VDAC1: variants seen among roughly 807,000 people sequenced by gnomAD.
The protein encoded by VDAC1 is voltage dependent anion channel 1.
A neutral mutation model predicts 34.7 loss-of-function variants in VDAC1; 10 were observed. The ratio of observed to expected loss-of-function variants is 0.29; its 90% confidence interval spans 0.18 to 0.49. The LOEUF is 0.49. Ranked by LOEUF, VDAC1 falls within the 20% of genes least tolerant of loss-of-function variation. The probability of loss-of-function intolerance (pLI) is 0.99; values close to 1 mark genes in which losing one functional copy is unlikely to be tolerated. For missense variants in VDAC1, 230 were observed against 347.9 expected (o/e 0.66, Z 2.69); for synonymous variants, 130 against 136.0 (o/e 0.96, Z 0.30).
intron 5 of VDAC1, among the ~76,000 whole-genome samples, chr5:133,985,995 G>C (rs530907254): frequency 6.6e-6 from 1 of 152,336 alleles, no homozygotes; most frequent in East Asian, 1.9e-4. Flanking sequence ...AAGAGAAAGG[G>C]CAGTGCTGGG....
At chr5:134,087,701 C>A in the VDAC1 span, among the ~76,000 whole-genome samples, 1 of 151,034 alleles carries the variant, frequency 6.6e-6, no homozygotes. Flanking sequence ...ACTAAAAATA[C>A]AAAAATAAGC....
At chr5:134,001,875 C>T (rs1482593630) in intron 1 of VDAC1, among the ~76,000 whole-genome samples, 1 of 152,052 alleles carries the variant, frequency 6.6e-6, no homozygotes, top group African/African-American at 2.4e-5. Flanking sequence ...CTTAAAGTCC[C>T]ACTCATCCCA....
chr5:133,981,147 T>C, intron 5 of VDAC1, 191 bp from the exon 6 acceptor site: 1 of 588,732 alleles, frequency 1.7e-6, no homozygotes. Flanking sequence ...AGGGACTCAG[T>C]CTGCAGAAAC....
At chr5:134,083,347 C>T in the VDAC1 span, among the ~76,000 whole-genome samples, 1 of 151,966 alleles carries the variant, frequency 6.6e-6, no homozygotes, top group African/African-American at 2.4e-5. Flanking sequence ...TGCCACCATG[C>T]CCGGCTAATT....
the VDAC1 span, among the ~76,000 whole-genome samples, chr5:134,027,767 CTT>C: frequency 4.1e-5 from 5 of 120,640 alleles, no homozygotes; most frequent in Non-Finnish European, 8.4e-5. Flanking sequence ...ATCTTGCCTA[CTT>C]TTTTTTTTTT....
At chr5:133,998,522 G>A (rs535910753) in intron 1 of VDAC1, among the ~76,000 whole-genome samples, 8 of 152,246 alleles carry the variant, frequency 5.3e-5, no homozygotes, top group Non-Finnish European at 7.4e-5. Context: ...GTGACAGAGC[G>A]AGAGACTCCC....
the VDAC1 span, among the ~76,000 whole-genome samples, chr5:134,083,210 A>ATT: frequency 1.3e-5 from 1 of 76,966 alleles, no homozygotes; most frequent in African/African-American, 5.4e-5. Context: ...TTTTTTTGGG[A>ATT]TGGGGTCTTG....
chr5:134,029,601 A>G, the VDAC1 span, among the ~76,000 whole-genome samples: 1 of 152,240 alleles, frequency 6.6e-6, no homozygotes, highest in Non-Finnish European at 1.5e-5. Context: ...AATGTGGCTG[A>G]TATGACTGAG....
the VDAC1 span, among the ~76,000 whole-genome samples, chr5:134,051,184 AG>A: frequency 6.6e-6 from 1 of 152,212 alleles, no homozygotes; most frequent in Non-Finnish European, 1.5e-5. Context: ...GAGATGGAGA[AG>A]GAGCACTGCC....
the VDAC1 span, among the ~76,000 whole-genome samples, chr5:134,085,310 C>A: frequency 6.6e-6 from 1 of 151,904 alleles, no homozygotes; most frequent in East Asian, 1.9e-4. Flanking sequence ...CCTCATGATC[C>A]GCCTGCCTCG....
At chr5:134,021,198 A>G in the VDAC1 span, among the ~76,000 whole-genome samples, 1 of 142,240 alleles carries the variant, frequency 7.0e-6, no homozygotes, top group Non-Finnish European at 1.5e-5. Context: ...TTTTTTTTTT[A>G]TTATTATACT....
the VDAC1 span, among the ~76,000 whole-genome samples, chr5:134,046,922 T>C: frequency 6.6e-6 from 1 of 152,176 alleles, no homozygotes; most frequent in Non-Finnish European, 1.5e-5. Context: ...GTGGCCTGTT[T>C]TGAGGATACA....
rs1418812406 is a variant in VDAC1, at chr5:133,980,601, C to T, written c.551+128G>A. 6.2e-6 allele frequency: 5 copies of T among 803,868 alleles called. 1 individual carries two copies. The Admixed American group carries it at 8.8e-5, about 14-fold the overall frequency. 49.8% of individuals were successfully genotyped at this position (803,868 alleles called of 1,614,324 possible). ...ATGTGGCTCATCTAATGCCAACAAACTCACTTTACAGTGGTTAAAAACTGG... is the reference window on the plus strand; with the variant it reads ...ATGTGGCTCATCTAATGCCAACAAATTCACTTTACAGTGGTTAAAAACTGG... On this transcript the variant is annotated intron_variant, in intron 6 of 8. Coordinates refer to ENST00000265333, the MANE Select transcript of VDAC1 (RefSeq NM_003374.3).
the VDAC1 span, among the ~76,000 whole-genome samples, chr5:134,111,047 G>A: frequency 2.6e-5 from 4 of 152,124 alleles, no homozygotes; most frequent in Non-Finnish European, 4.4e-5. Context: ...TCTTCACTAG[G>A]GTACAGTGGT....
chr5:134,031,248 T>TG, the VDAC1 span, among the ~76,000 whole-genome samples: 7 of 152,028 alleles, frequency 4.6e-5, no homozygotes, highest in Admixed American at 1.3e-4. Flanking sequence ...CTTTCATATA[T>TG]GGGAAAATGA....
chr5:134,072,812 C>G, the VDAC1 span, among the ~76,000 whole-genome samples: 1 of 152,184 alleles, frequency 6.6e-6, no homozygotes, highest in African/African-American at 2.4e-5. Flanking sequence ...CAGCTGGGAA[C>G]AAAGAGAACA....
At chr5:134,044,733 C>G in the VDAC1 span, among the ~76,000 whole-genome samples, 1 of 152,052 alleles carries the variant, frequency 6.6e-6, no homozygotes, top group Non-Finnish European at 1.5e-5. Flanking sequence ...GTGTGATGTC[C>G]CAAGCTGTGT....
At chr5:134,015,007 T>C in the VDAC1 span, among the ~76,000 whole-genome samples, 1 of 152,172 alleles carries the variant, frequency 6.6e-6, no homozygotes, top group African/African-American at 2.4e-5. Context: ...GGTACATATA[T>C]ATGGCGGAAT....
rs759949922 is a variant in VDAC1 at position 133,996,891 on chromosome 5, G to C, written c.-6-3873C>G. Among the ~76,000 whole-genome samples the C allele has an allele frequency of 3.9e-5, 6 of 152,200 alleles. No homozygotes were observed. In the South Asian group the frequency reaches 6.2e-4, roughly 16 times the overall value. Reference sequence around the variant, plus strand: ...GGGGAGTTGGGGAGACCCTCAACTAGCAATGACCTCCACTCCCTGCCTGCT... The same window carrying C: ...GGGGAGTTGGGGAGACCCTCAACTACCAATGACCTCCACTCCCTGCCTGCT... On this transcript the variant is annotated intron_variant, in intron 1 of 8. Coordinates refer to ENST00000265333, the MANE Select transcript of VDAC1 (RefSeq NM_003374.3).
Sources: allele counts gnomAD v4.1 joint callset (sites outside exome capture counted in the v4.1 genomes callset), GRCh38; gene constraint gnomAD v4.1.1; transcripts MANE v1.5; gene names NCBI Gene and HGNC (gene_info 2026-07-23, HGNC 2026-07-21).